The following C8orf88 variants were observed in gnomAD, a reference collection of about 807,000 sequenced individuals.
C8orf88 encodes the protein chromosome 8 open reading frame 88, also known as uncharacterized protein C8orf88.
Under a neutral mutation model 18.4 loss-of-function variants are expected in C8orf88, and 14 were observed. That is an observed-to-expected ratio of 0.76 (90% CI 0.50 to 1.19). The LOEUF (loss-of-function observed/expected upper bound fraction) is 1.19, where lower values mean the gene tolerates loss of function less well. Among genes scored for constraint, C8orf88 ranks in the 50% most tolerant of loss-of-function variants. The probability of loss-of-function intolerance (pLI) is 0.00; values close to 1 mark genes in which losing one functional copy is unlikely to be tolerated. For missense variants in C8orf88, 116 were observed against 134.7 expected (o/e 0.86, Z 0.69); for synonymous variants, 45 against 42.9 (o/e 1.05, Z -0.19).
chr8:90,967,571 T>C (rs993591915), intron 4 of C8orf88, among the ~76,000 whole-genome samples: 19 of 151,848 alleles, frequency 1.3e-4, no homozygotes, highest in Admixed American at 1.2e-3. Flanking sequence ...GGGAGGTTTT[T>C]AATTACTAAT....
At chr8:90,979,081 T>A (rs61625518) in intron 2 of C8orf88, among the ~76,000 whole-genome samples, 2 of 152,154 alleles carry the variant, frequency 1.3e-5, no homozygotes, top group East Asian at 3.8e-4. Context: ...CCAGGGAGTA[T>A]GTAAGCGTGT....
intron 5 of C8orf88, among the ~76,000 whole-genome samples, chr8:90,960,359 T>C (rs1811107816): frequency 6.6e-6 from 1 of 151,548 alleles, no homozygotes; most frequent in South Asian, 2.1e-4. Flanking sequence ...AGAAGTACCC[T>C]TTCAATAAAT....
intron 1 of C8orf88, among the ~76,000 whole-genome samples, chr8:90,984,511 T>C (rs1000868920): frequency 6.6e-6 from 1 of 152,180 alleles, no homozygotes; most frequent in South Asian, 2.1e-4. Context: ...ATCAAAAAAC[T>C]AGAAGCTTGG....
intron 3 of C8orf88, among the ~76,000 whole-genome samples, chr8:90,975,790 T>C (rs981840602): frequency 6.6e-6 from 1 of 152,064 alleles, no homozygotes; most frequent in African/African-American, 2.4e-5. Flanking sequence ...CTGGGTAGTA[T>C]GTGTATTTCC....
At chr8:90,980,976 C>A (rs1165215838) in intron 1 of C8orf88, among the ~76,000 whole-genome samples, 1 of 152,108 alleles carries the variant, frequency 6.6e-6, no homozygotes, top group Non-Finnish European at 1.5e-5. Flanking sequence ...CTTCTTCTGT[C>A]TTTCTTCCGA....
chr8:90,976,145 T>C (rs1411468311), intron 3 of C8orf88, among the ~76,000 whole-genome samples: 1 of 151,994 alleles, frequency 6.6e-6, no homozygotes, highest in Non-Finnish European at 1.5e-5. Context: ...TAAGTGTAAG[T>C]GGTAAATTAT....
At chr8:90,974,086 G>A (rs534764804) in intron 3 of C8orf88, among the ~76,000 whole-genome samples, 13 of 152,152 alleles carry the variant, frequency 8.5e-5, no homozygotes, top group Middle Eastern at 3.4e-3. Flanking sequence ...TAACACAGAG[G>A]AGAGGAAATC....
intron 3 of C8orf88, among the ~76,000 whole-genome samples, chr8:90,974,677 G>C (rs1295666299): frequency 6.6e-6 from 1 of 152,068 alleles, no homozygotes; most frequent in Non-Finnish European, 1.5e-5. Context: ...GATAATACCA[G>C]ACAGAGCCAT....
In C8orf88 at chr8:90,964,916, A is replaced by G. The variant is rs181570615; in HGVS notation, c.224-4068T>C. Among the ~76,000 whole-genome samples, 5 of 151,700 alleles carry G rather than the reference A, an allele frequency of 3.3e-5. No homozygotes were observed. In the East Asian group the frequency reaches 9.7e-4, roughly 29 times the overall value. On this transcript the variant is annotated intron_variant, in intron 4 of 5. Coordinates refer to ENST00000517562, the MANE Select transcript of C8orf88 (RefSeq NM_001190972.2). The stretch of plus-strand genomic sequence containing the variant: ...CAAACTAAAAGGATATAAAAATAGT[A>G]TACTAGAAAATATCTATTAAACACA...
chr8:90,964,007 G>A (rs965139758), intron 4 of C8orf88, among the ~76,000 whole-genome samples: 9 of 151,748 alleles, frequency 5.9e-5, no homozygotes, highest in African/African-American at 2.2e-4. Context: ...CCCAACTTAT[G>A]ATGGTTTGAC....
intron 1 of C8orf88, 78 bp from the exon 2 acceptor site, chr8:90,980,539 CT>C (rs1811417942): frequency 5.3e-6 from 3 of 564,524 alleles, no homozygotes; most frequent in Non-Finnish European, 8.8e-6. Context: ...ATAACTACAT[CT>C]TTTTTTAAGA....
At chr8:90,962,707 T>C (rs2130301275) in intron 4 of C8orf88, among the ~76,000 whole-genome samples, 1 of 151,564 alleles carries the variant, frequency 6.6e-6, no homozygotes, top group East Asian at 1.9e-4. Context: ...TGTTTTGACC[T>C]TTCTTATAGT....
intron 3 of C8orf88, among the ~76,000 whole-genome samples, chr8:90,971,503 A>T (rs576117169): frequency 6.6e-6 from 1 of 152,232 alleles, no homozygotes; most frequent in South Asian, 2.1e-4. Flanking sequence ...ATTCACAAAA[A>T]TTCTGCAATA....
Position 90,980,453 on chromosome 8 carries a change from G to A in C8orf88, c.-18C>T, listed in dbSNP as rs1811416617. On this transcript the variant is annotated 5_prime_UTR_variant, in exon 2 of 6. Coordinates refer to ENST00000517562, the MANE Select transcript of C8orf88 (RefSeq NM_001190972.2). ...GTTTCCATTGTCACAAAGACTTTGA[G>A]GTTCCATACTAGAAGACAAAAAAAT... 3 of 1,475,822 alleles carry A rather than the reference G, an allele frequency of 2.0e-6. No homozygotes were observed. The highest frequency in any genetic ancestry group is 2.7e-6 in the Non-Finnish European group (3 of 1,099,864). The allele number at this position is 1,475,822 out of a possible 1,614,324, so 91.4% of individuals were successfully genotyped here. A position where few individuals can be genotyped will look rare whatever the true frequency, so the allele number is the denominator to read the frequency against.
At chr8:90,970,248 T>C (rs1043630874) in intron 4 of C8orf88, among the ~76,000 whole-genome samples, 11 of 151,958 alleles carry the variant, frequency 7.2e-5, no homozygotes, top group African/African-American at 2.7e-4. Context: ...AAGAAACTGA[T>C]GTGAAAGATG....
At chr8:90,970,468 G>A (rs527755509) in intron 4 of C8orf88, among the ~76,000 whole-genome samples, 1 of 152,068 alleles carries the variant, frequency 6.6e-6, no homozygotes, top group East Asian at 1.9e-4. Context: ...TAGCTAGTGT[G>A]GGAGAGACTA....
intron 3 of C8orf88, among the ~76,000 whole-genome samples, chr8:90,974,008 C>T (rs2740778): frequency 0.47 from 71,880 of 151,738 alleles, 20,420 homozygotes; most frequent in Non-Finnish European, 0.64. Flanking sequence ...TAAAAGAGCT[C>T]CCAGGAAAAC....
At chr8:90,981,112 T>C (rs996106537) in intron 1 of C8orf88, among the ~76,000 whole-genome samples, 1 of 152,196 alleles carries the variant, frequency 6.6e-6, no homozygotes, top group African/African-American at 2.4e-5. Flanking sequence ...CAGTTCTATT[T>C]TTCTAATTGT....
chr8:90,974,317 G>C (rs546481589), intron 3 of C8orf88, among the ~76,000 whole-genome samples: 1 of 152,232 alleles, frequency 6.6e-6, no homozygotes, highest in African/African-American at 2.4e-5. Flanking sequence ...TTGGAACCCA[G>C]ATATAGTGTT....
Sources: gnomAD v4.1 joint callset for allele counts (sites outside exome capture counted in the v4.1 genomes callset) on GRCh38, gnomAD v4.1.1 for gene constraint, MANE v1.5 for transcripts, NCBI Gene and HGNC (gene_info 2026-07-23, HGNC 2026-07-21) for gene names.